EXOC2: variants seen among roughly 807,000 people sequenced by gnomAD.
The protein encoded by EXOC2 is SEC5-like 1.
In EXOC2, 70 loss-of-function variants were observed where a neutral mutation model predicts 131.8. That is an observed-to-expected ratio of 0.53 (90% confidence interval 0.44 to 0.65). The LOEUF (loss-of-function observed/expected upper bound fraction) is 0.65, where lower values mean the gene tolerates loss of function less well. Among genes scored for constraint, EXOC2 ranks in the 30% least tolerant of loss-of-function variants. The pLI, the probability that EXOC2 is intolerant of heterozygous loss-of-function variation, is 0.00. For missense variants in EXOC2, 923 were observed against 1,108.6 expected (o/e 0.83, Z 2.38); for synonymous variants, 411 against 398.4 (o/e 1.03, Z -0.38).
At chr6:656,519 CCA>C (rs778903798) in intron 1 of EXOC2, 15 of 1,605,546 alleles carry the variant, frequency 9.3e-6, no homozygotes, top group Non-Finnish European at 1.3e-5. Flanking sequence ...GGCAGTCCCG[CCA>C]CACTCTCCTG....
intron 23 of EXOC2, among the ~76,000 whole-genome samples, chr6:528,453 T>A (rs1326590303): frequency 6.6e-6 from 1 of 152,182 alleles, no homozygotes; most frequent in African/African-American, 2.4e-5. Context: ...AAAATCACTA[T>A]ATGACTATGC....
At chr6:519,011 C>A (rs1435380671) in intron 23 of EXOC2, among the ~76,000 whole-genome samples, 1 of 152,162 alleles carries the variant, frequency 6.6e-6, no homozygotes, top group Non-Finnish European at 1.5e-5. Context: ...CGTAAAGTGC[C>A]AAGTACTCAA....
chr6:687,460 G>A (rs577876564), intron 1 of EXOC2, among the ~76,000 whole-genome samples: 1 of 152,126 alleles, frequency 6.6e-6, no homozygotes, highest in Admixed American at 6.5e-5. Flanking sequence ...TGGGATTACA[G>A]GCACTGAGCC....
Position 610,152 on chromosome 6 carries a change from C to T in EXOC2, c.688G>A (p.Gly230Arg). 6.2e-7 allele frequency: 1 copy of T among 1,613,650 alleles called. No homozygotes were observed. Among genetic ancestry groups the T allele is most frequent in the Non-Finnish European group, 8.5e-7 (1 of 1,179,892 alleles). The change falls in exon 7 of 28, where the codon GGA (glycine) becomes AGA (arginine). Residue 230 changes from glycine (G) to arginine (R), a missense_variant. Transcript: ENST00000230449. Reference sequence around the variant, plus strand: ...ATGGATCCTTCTACTTTTTCCGTTCCATCTGCTTCTAGTTTTTGATGGATG... The same window carrying T: ...ATGGATCCTTCTACTTTTTCCGTTCTATCTGCTTCTAGTTTTTGATGGATG... ...SAIHQKLEAD[G>R]TEKVEGSMTQ...
chr6:574,353 T>TC (rs1171380128), intron 12 of EXOC2, among the ~76,000 whole-genome samples: 1 of 152,206 alleles, frequency 6.6e-6, no homozygotes, highest in Non-Finnish European at 1.5e-5. Flanking sequence ...CACGTGCAAG[T>TC]AGTGGCCTCA....
At chr6:604,714 G>A (rs1400254730) in intron 7 of EXOC2, among the ~76,000 whole-genome samples, 1 of 147,300 alleles carries the variant, frequency 6.8e-6, no homozygotes, top group Non-Finnish European at 1.5e-5. Context: ...TCACGCGCTG[G>A]CCCTGCGGGG....
intron 23 of EXOC2, among the ~76,000 whole-genome samples, chr6:512,181 G>A (rs968100020): frequency 1.3e-5 from 2 of 152,212 alleles, no homozygotes; most frequent in Admixed American, 1.3e-4. Context: ...ACAGCACCTG[G>A]GACTGAGGAA....
At chr6:497,276 G>C in intron 25 of EXOC2, 91 bp downstream of exon 25, 1 of 1,180,312 alleles carries the variant, frequency 8.5e-7, no homozygotes, top group Non-Finnish European at 1.2e-6. Context: ...ATTAAAAGAA[G>C]CCTGTCATAT....
intron 1 of EXOC2, chr6:656,792 C>T (rs1198462473): frequency 1.9e-6 from 3 of 1,604,140 alleles, no homozygotes; most frequent in South Asian, 1.1e-5. Flanking sequence ...ACAGCCTGGC[C>T]TCGTGGAGGC....
intron 1 of EXOC2, among the ~76,000 whole-genome samples, chr6:663,877 C>G (rs143442391): frequency 6.6e-6 from 1 of 152,176 alleles, no homozygotes; most frequent in African/African-American, 2.4e-5. Context: ...AGAACGGGAA[C>G]AAGACAAGGA....
chr6:684,119 C>T (rs1056494200), intron 1 of EXOC2, among the ~76,000 whole-genome samples: 3 of 152,158 alleles, frequency 2.0e-5, no homozygotes, highest in East Asian at 1.9e-4. Flanking sequence ...TGAACTCCCT[C>T]GCACGCAACA....
rs1316511643 is a variant in EXOC2, at chr6:610,243, T to G, written c.662-65A>C. 6 of 1,354,948 alleles carry G rather than the reference T, an allele frequency of 4.4e-6. No individual in the cohort carries two copies. In the Admixed American group the frequency reaches 1.1e-4, roughly 26 times the overall value. The allele number at this position is 1,354,948 out of a possible 1,614,324, so 83.9% of individuals were successfully genotyped here. On this transcript the variant is annotated intron_variant, in intron 6 of 27. Coordinates refer to ENST00000230449, the MANE Select transcript of EXOC2 (RefSeq NM_018303.6). The stretch of plus-strand genomic sequence containing the variant: ...TGGGTGGAGATACATTAAATCAAAA[T>G]GATATTTTTAAACAGCTTTTTAAAA...
intron 1 of EXOC2, among the ~76,000 whole-genome samples, chr6:681,888 T>A (rs1341934323): frequency 6.6e-6 from 1 of 152,236 alleles, no homozygotes; most frequent in East Asian, 1.9e-4. Flanking sequence ...CCCCTTTAGT[T>A]ACCAGAGAGC....
At chr6:677,799 C>A (rs1022450392) in intron 1 of EXOC2, among the ~76,000 whole-genome samples, 1 of 152,124 alleles carries the variant, frequency 6.6e-6, no homozygotes, top group Non-Finnish European at 1.5e-5. Context: ...TCTTGCCATG[C>A]AATAACTTTT....
intron 1 of EXOC2, among the ~76,000 whole-genome samples, chr6:643,562 T>G (rs948421009): frequency 3.3e-5 from 5 of 151,758 alleles, no homozygotes; most frequent in African/African-American, 1.2e-4. Context: ...TAACTTAAAA[T>G]CTTAGAGAAA....
At chr6:582,179 C>A (rs147022396) in intron 11 of EXOC2, among the ~76,000 whole-genome samples, 13 of 152,220 alleles carry the variant, frequency 8.5e-5, no homozygotes, top group Admixed American at 2.0e-4. Flanking sequence ...TCCAGGAAAC[C>A]ATATCAGTCA....
At chr6:497,564 CA>C in intron 24 of EXOC2, 75 bp from the exon 25 acceptor site, 1 of 1,479,270 alleles carries the variant, frequency 6.8e-7, no homozygotes, top group Non-Finnish European at 9.0e-7. Context: ...AGTTAACATT[CA>C]AAACAAAACA....
At chr6:495,837 A>G (rs1432971772) in intron 25 of EXOC2, among the ~76,000 whole-genome samples, 1 of 152,096 alleles carries the variant, frequency 6.6e-6, no homozygotes, top group Non-Finnish European at 1.5e-5. Context: ...TTGAAAATCT[A>G]ATTACATGCA....
chr6:492,279 T>C (rs1338834173), intron 25 of EXOC2, among the ~76,000 whole-genome samples: 2 of 152,208 alleles, frequency 1.3e-5, no homozygotes, highest in East Asian at 3.8e-4. Context: ...ATGGTGAGGA[T>C]GTAGAGACAT....
Sources: gnomAD v4.1 joint callset for allele counts (sites outside exome capture counted in the v4.1 genomes callset) on GRCh38, gnomAD v4.1.1 for gene constraint, MANE v1.5 for transcripts, NCBI Gene and HGNC (gene_info 2026-07-23, HGNC 2026-07-21) for gene names.